The following LTK variants were observed in gnomAD, a reference collection of about 807,000 sequenced individuals.
LTK encodes leukocyte tyrosine kinase receptor.
Under a neutral mutation model 101.5 loss-of-function variants are expected in LTK, and 117 were observed. The ratio of observed to expected loss-of-function variants is 1.15; its 90% confidence interval spans 0.99 to 1.34. The LOEUF (loss-of-function observed/expected upper bound fraction) is 1.34, where lower values mean the gene tolerates loss of function less well. Ranked by LOEUF, LTK falls within the 40% of genes most tolerant of loss-of-function variation. The pLI is 0.00. For missense variants in LTK, 1,252 were observed against 1,164.7 expected, an observed-to-expected ratio of 1.07 and a Z score of -1.09; for synonymous variants, 563 against 494.2, an observed-to-expected ratio of 1.14 and a Z score of -1.85.
rs146757784 is a variant in LTK at position 41,504,856 on chromosome 15, C to G, written c.2037G>C (p.Arg679Ser). 325 of 1,613,126 alleles carry G rather than the reference C, an allele frequency of 2.0e-4. 5 individuals carry two copies. The highest frequency in any genetic ancestry group is 1.5e-3 in the South Asian group (140 of 90,782). ...RDIYRASYYR[R>S]GDRALLPVKW... ...TGACTGGGAGCAAGGCCCGGTCCCCCCTGCGGTAATAACTGGCCCTACAGG... is the reference window on the plus strand; with the variant it reads ...TGACTGGGAGCAAGGCCCGGTCCCCGCTGCGGTAATAACTGGCCCTACAGG... The change falls in exon 17 of 20, where the codon AGG (arginine) becomes AGC (serine). Residue 679 changes from arginine (R) to serine (S), a missense_variant. Transcript: ENST00000263800.
At position 41,511,300 on chromosome 15, in the gene LTK, G is replaced by C. The variant is rs2051450876; in HGVS notation, c.861C>G (p.Gly287=). The change falls in exon 7 of 20, where the codon GGC becomes GGG. Residue 287 remains glycine, a synonymous_variant. Transcript: ENST00000263800. The surrounding 1 kb of genome is among the most constrained non-coding windows in gnomAD (Gnocchi z 5.9). ...WTSRAPSPQA[G]RSLQEGAEGG... ...CCTCCGCCCCCTCCTGCAGTGAGCG[G>C]CCGGCCTGCGGAGAGGGAGCCCGCG... The C allele has an allele frequency of 7.2e-7, 1 of 1,379,876 alleles. No homozygotes were observed. The highest frequency in any genetic ancestry group is 9.3e-7 in the Non-Finnish European group (1 of 1,073,896). The allele number at this position is 1,379,876 out of a possible 1,614,324, so 85.5% of individuals were successfully genotyped here. A position where few individuals can be genotyped will look rare whatever the true frequency, so the allele number is the denominator to read the frequency against.
In LTK at chr15:41,508,231, A is replaced by G; in HGVS notation, c.1097-10T>C. ...CCGTGGTTCTCGGTGACTGTGAGTA[A>G]AAGAACTGATATGATATGGTGTGGT... On this transcript the variant is annotated splice_polypyrimidine_tract_variant and intron_variant, in intron 8 of 19. Coordinates refer to ENST00000263800, the MANE Select transcript of LTK (RefSeq NM_002344.6). The G allele has an allele frequency of 6.2e-7, 1 of 1,607,934 alleles. No homozygotes were observed. Among genetic ancestry groups the G allele is most frequent in the Non-Finnish European group, 8.5e-7 (1 of 1,177,280 alleles).
Position 41,511,179 on chromosome 15 carries a change from C to T in LTK, c.982G>A (p.Gly328Ser). 1.4e-6 allele frequency: 2 copies of T among 1,402,340 alleles called. No homozygotes were observed. The highest frequency in any genetic ancestry group is 1.5e-5 in the African/African-American group (1 of 66,136). The allele number at this position is 1,402,340 out of a possible 1,614,324, so 86.9% of individuals were successfully genotyped here. ...GGGACTAGGG[G>S]GGYRGGDASE... Reference sequence around the variant, plus strand: ...GTGCACCTACCCCTGTAGCCGCCGCCGCCTCCGCCCGCAGTGCAGGCCCCG... The same window carrying T: ...GTGCACCTACCCCTGTAGCCGCCGCTGCCTCCGCCCGCAGTGCAGGCCCCG... Residue 328 changes from glycine (G) to serine (S), a missense_variant, in exon 7 of 20, where the codon GGC (glycine) becomes AGC (serine). By Grantham distance (56) the Gly-to-Ser change is moderately conservative. Transcript: ENST00000263800. This position sits in a 1 kb window ranked among gnomAD's most constrained non-coding sequence, Gnocchi z 5.9.
Position 41,511,676 on chromosome 15 carries a change from A to C in LTK, c.658-98T>G. Reference sequence around the variant, plus strand: ...CCGCCCAGGGGGCCTGGATAAGGGCAGGGGCCCCCAGCCCAGCCCAGGCCA... The same window carrying C: ...CCGCCCAGGGGGCCTGGATAAGGGCCGGGGCCCCCAGCCCAGCCCAGGCCA... On this transcript the variant is annotated intron_variant, in intron 5 of 19. Transcript: ENST00000263800. The surrounding 1 kb of genome is among the most constrained non-coding windows in gnomAD (Gnocchi z 5.9). The C allele has an allele frequency of 1.4e-6, 2 of 1,403,230 alleles. No homozygotes were observed. The highest frequency in any genetic ancestry group is 1.8e-6 in the Non-Finnish European group (2 of 1,086,146). 86.9% of individuals were successfully genotyped at this position (1,403,230 alleles called of 1,614,324 possible).
intron 8 of LTK, among the ~76,000 whole-genome samples, 173 bp from the exon 9 acceptor site, chr15:41,508,394 A>T (rs1338040318): frequency 6.6e-6 from 1 of 151,786 alleles, no homozygotes; most frequent in African/African-American, 2.4e-5. Context: ...CCCCGCCTCT[A>T]CTAAAAATAC....
rs1455723160 is a variant in LTK, at chr15:41,505,296, A to G, written c.1837T>C (p.Ser613Pro). 1.2e-6 allele frequency: 2 copies of G among 1,613,944 alleles called. No individual in the cohort carries two copies. Among genetic ancestry groups the G allele is most frequent in the South Asian group, 2.2e-5 (2 of 91,062 alleles). Residue 613 changes from serine to proline, a missense_variant, in exon 15 of 20, where the codon TCA becomes CCA. Physicochemically the swap from Ser to Pro is moderately conservative, Grantham distance 74. Coordinates refer to ENST00000263800, the MANE Select transcript of LTK (RefSeq NM_002344.6). ...AGCAGGTCCCGCATGACCAGAGGTG[A>G]TGGCTGGCCCTGGGTCAGGCAGAGG... is the stretch of plus-strand genomic sequence containing the variant. ...RHSRPHLGQP[S>P]PLVMRDLLQL... is the part of the protein sequence containing the mutation.
chr15:41,512,919 C>T lies in LTK; in HGVS notation c.188-41G>A, dbSNP rs186704990. On this transcript the variant is annotated intron_variant, in intron 2 of 19. Coordinates refer to ENST00000263800, the MANE Select transcript of LTK (RefSeq NM_002344.6). ...GAGGCAAGGGTCGTCGAGCCCCTGGCTGGGCCAGAGGGGTCTGGTATGGTG... is the reference window on the plus strand; with the variant it reads ...GAGGCAAGGGTCGTCGAGCCCCTGGTTGGGCCAGAGGGGTCTGGTATGGTG... 103 of 1,608,112 alleles carry T rather than the reference C, an allele frequency of 6.4e-5. No individual in the cohort carries two copies. The East Asian group carries it at 2.2e-3, about 35-fold the overall frequency.
Position 41,511,849 on chromosome 15 carries a change from CG to C in LTK, c.624del (p.Gly210ValfsTer31). 2.5e-5 allele frequency: 36 copies of C among 1,466,684 alleles called. No homozygotes were observed. Among genetic ancestry groups the C allele is most frequent in the Non-Finnish European group, 3.0e-5 (34 of 1,116,432 alleles). The allele number at this position is 1,466,684 out of a possible 1,614,324, so 90.9% of individuals were successfully genotyped here. ...ACGTAGGTGGCGCCCCCGCCACCCCCGCCACCTCCCGCCCAGCGCCGCGACC... is the reference window on the plus strand; with the variant it reads ...ACGTAGGTGGCGCCCCCGCCACCCCCCCACCTCCCGCCCAGCGCCGCGACC... ...VPGSRRWAGG[G>X]GGGGGATYVF... On this transcript the variant is annotated frameshift_variant, in exon 5 of 20. Transcript: ENST00000263800. LOFTEE classifies it high-confidence loss of function. This position sits in a 1 kb window ranked among gnomAD's most constrained non-coding sequence, Gnocchi z 5.9.
In LTK at chr15:41,504,444, C is replaced by T. The variant is rs1347142505; in HGVS notation, c.2256-12G>A. The T allele has an allele frequency of 6.8e-6, 11 of 1,614,062 alleles. No individual in the cohort carries two copies. Among genetic ancestry groups the T allele is most frequent in the Non-Finnish European group, 9.3e-6 (11 of 1,179,994 alleles). ...TCATGATGCGGTACCTGGGGAGAGG[C>T]AGGAGTTCATGCCCACCCATGGTTG... On this transcript the variant is annotated splice_polypyrimidine_tract_variant and intron_variant, in intron 18 of 19. Coordinates refer to ENST00000263800, the MANE Select transcript of LTK (RefSeq NM_002344.6).
intron 8 of LTK, 59 bp from the exon 9 acceptor site, chr15:41,508,280 T>A: frequency 6.8e-7 from 1 of 1,470,216 alleles, no homozygotes; most frequent in South Asian, 1.2e-5. Context: ...AGTAAATACA[T>A]GCCTTTGGCT....
At chr15:41,505,377 G>A in intron 14 of LTK, 24 bp downstream of exon 14, 1 of 1,613,660 alleles carries the variant, frequency 6.2e-7, no homozygotes, top group Non-Finnish European at 8.5e-7. Flanking sequence ...GAGGGGCCTG[G>A]GGGGGCTAAG....
rs1458023949 is a variant in LTK at position 41,512,155 on chromosome 15, T to C, written c.470A>G (p.Tyr157Cys). 1 of 1,609,788 alleles carries C rather than the reference T, an allele frequency of 6.2e-7. No homozygotes were observed. The highest frequency in any genetic ancestry group is 1.7e-5 in the Admixed American group (1 of 59,758). ...CTCTCCCTGCTGCCCCACCAGGATGTACAGCGACTCCCCGAGACCGAGGGA... is the reference window on the plus strand; with the variant it reads ...CTCTCCCTGCTGCCCCACCAGGATGCACAGCGACTCCCCGAGACCGAGGGA... ...IFSLGLGESL[Y>C]ILVGQQGEDA... The change falls in exon 4 of 20, where the codon TAC becomes TGC. Residue 157 changes from tyrosine to cysteine, a missense_variant. By Grantham distance (194) the Tyr-to-Cys change is radical. Coordinates refer to ENST00000263800, the MANE Select transcript of LTK (RefSeq NM_002344.6).
Position 41,508,074 on chromosome 15 carries a change from C to A in LTK, c.1244G>T (p.Cys415Phe). 2 of 1,602,828 alleles carry A rather than the reference C, an allele frequency of 1.2e-6. No homozygotes were observed. The highest frequency in any genetic ancestry group is 1.7e-6 in the Non-Finnish European group (2 of 1,174,610). ...GMELAVDNVT[C>F]MDLHKPPGPL... Reference sequence around the variant, plus strand: ...TGGGCAAAGGTAGGACATACCCATGCAGGTGACGTTATCCACAGCTAGCTC... The same window carrying A: ...TGGGCAAAGGTAGGACATACCCATGAAGGTGACGTTATCCACAGCTAGCTC... The change falls in exon 9 of 20, where the codon TGC (cysteine) becomes TTC (phenylalanine). Residue 415 changes from cysteine to phenylalanine, a missense_variant. Cys to Phe is a radical substitution (Grantham distance 205). Transcript: ENST00000263800.
Position 41,505,074 on chromosome 15 carries a change from A to G in LTK, c.1926-10T>C. On this transcript the variant is annotated splice_polypyrimidine_tract_variant and intron_variant, in intron 15 of 19. Transcript: ENST00000263800. ...CCGGGCGGCAATATCCCTACAGAGTAGGCAAAAAAAATCACTGCCAGAATC... is the reference window on the plus strand; with the variant it reads ...CCGGGCGGCAATATCCCTACAGAGTGGGCAAAAAAAATCACTGCCAGAATC... The G allele has an allele frequency of 6.2e-7, 1 of 1,605,910 alleles. No homozygotes were observed. The highest frequency in any genetic ancestry group is 8.5e-7 in the Non-Finnish European group (1 of 1,175,226).
At chr15:41,509,234 T>C (rs1595465438) in intron 7 of LTK, 105 bp from the exon 8 acceptor site, 2 of 751,768 alleles carry the variant, frequency 2.7e-6, no homozygotes, top group East Asian at 5.2e-5. Flanking sequence ...TTCTCCAGCA[T>C]CATGATGCAA....
chr15:41,505,300 C>G lies in LTK; in HGVS notation c.1833G>C (p.Gln611His). ...GGTCCCGCATGACCAGAGGTGATGG[C>G]TGGCCCTGGGTCAGGCAGAGGGGGC... ...FLRHSRPHLG[Q>H]PSPLVMRDLL... is the part of the protein sequence containing the mutation. The change falls in exon 15 of 20, where the codon CAG (glutamine) becomes CAC (histidine). Residue 611 changes from glutamine to histidine, a missense_variant. Coordinates refer to ENST00000263800, the MANE Select transcript of LTK (RefSeq NM_002344.6). 6.2e-7 allele frequency: 1 copy of G among 1,613,930 alleles called. No homozygotes were observed. The highest frequency in any genetic ancestry group is 8.5e-7 in the Non-Finnish European group (1 of 1,179,972).
At chr15:41,506,287 C>A (rs34356833) in intron 11 of LTK, among the ~76,000 whole-genome samples, 1 of 152,216 alleles carries the variant, frequency 6.6e-6, no homozygotes. Flanking sequence ...GGGAGGCAAT[C>A]CCTGGGCTCC....
At position 41,503,923 on chromosome 15, in the gene LTK, C is replaced by T. The variant is rs2051157084; in HGVS notation, c.*73G>A. ...GAACAGAGGCCGCTGGCATAACAGG[C>T]CACCCAGGAGCCTGAGGAGTATAGG... On this transcript the variant is annotated 3_prime_UTR_variant, in exon 20 of 20. Transcript: ENST00000263800. 3 of 1,494,696 alleles carry T rather than the reference C, an allele frequency of 2.0e-6. No homozygotes were observed. Among genetic ancestry groups the T allele is most frequent in the East Asian group, 4.6e-5 (2 of 43,792 alleles). 92.6% of individuals were successfully genotyped at this position (1,494,696 alleles called of 1,614,324 possible). A position where few individuals can be genotyped will look rare whatever the true frequency, so the allele number is the denominator to read the frequency against.
Position 41,511,767 on chromosome 15 carries a change from C to G in LTK, c.657+50G>C, listed in dbSNP as rs2051471985. The stretch of plus-strand genomic sequence containing the variant: ...ACGGAGAGCCGGTGCGTGAGCGCCC[C>G]TGGGGAGAGGATTGGGACCCCAACG... On this transcript the variant is annotated intron_variant, in intron 5 of 19. Coordinates refer to ENST00000263800, the MANE Select transcript of LTK (RefSeq NM_002344.6). The surrounding 1 kb of genome is among the most constrained non-coding windows in gnomAD (Gnocchi z 5.9). 1 of 1,473,302 alleles carries G rather than the reference C, an allele frequency of 6.8e-7. No individual in the cohort carries two copies. Among genetic ancestry groups the G allele is most frequent in the Non-Finnish European group, 8.9e-7 (1 of 1,124,354 alleles). 91.3% of individuals were successfully genotyped at this position (1,473,302 alleles called of 1,614,324 possible). A position where few individuals can be genotyped will look rare whatever the true frequency, so the allele number is the denominator to read the frequency against.
Sources: allele counts gnomAD v4.1 joint callset (sites outside exome capture counted in the v4.1 genomes callset), GRCh38; gene constraint gnomAD v4.1.1; non-coding constraint Gnocchi (gnomAD v3.1); transcripts MANE v1.5; gene names NCBI Gene and HGNC (gene_info 2026-07-23, HGNC 2026-07-21).